Variants in POU6F2 observed in about 807,000 individuals in gnomAD.
POU6F2 encodes the protein POU domain, class 6, transcription factor 2.
POU6F2 carries 31 observed loss-of-function variants against 71.3 expected under a neutral mutation model. The observed-to-expected ratio is 0.43, with a 90% CI of 0.33 to 0.59. POU6F2 has a LOEUF of 0.59. Among genes scored for constraint, POU6F2 ranks in the 20% least tolerant of loss-of-function variants. The pLI, the probability that POU6F2 is intolerant of heterozygous loss-of-function variation, is 0.04. For missense variants in POU6F2, 783 were observed against 856.8 expected (o/e 0.91, Z 1.07); for synonymous variants, 347 against 355.7 (o/e 0.98, Z 0.27).
At chr7:39,018,026 C>T (rs755570048) in intron 1 of POU6F2, among the ~76,000 whole-genome samples, 5 of 152,090 alleles carry the variant, frequency 3.3e-5, no homozygotes, top group Admixed American at 6.6e-5. Context: ...AGCAAACTTA[C>T]GGTGATAGCA....
intron 4 of POU6F2, among the ~76,000 whole-genome samples, chr7:39,230,014 G>A (rs1368583585): frequency 1.3e-5 from 2 of 152,218 alleles, no homozygotes; most frequent in Non-Finnish European, 2.9e-5. Flanking sequence ...AGGCACAGAT[G>A]CGATTAAGAG....
At chr7:39,058,824 T>C (rs745868326) in intron 1 of POU6F2, among the ~76,000 whole-genome samples, 2 of 152,164 alleles carry the variant, frequency 1.3e-5, no homozygotes, top group East Asian at 1.9e-4. Context: ...AAAATCTAAA[T>C]TGTGGGTGAT....
intron 4 of POU6F2, among the ~76,000 whole-genome samples, chr7:39,230,125 G>A (rs1169728077): frequency 6.6e-6 from 1 of 152,184 alleles, no homozygotes; most frequent in Non-Finnish European, 1.5e-5. Flanking sequence ...CAGTAACTGG[G>A]AATCAGGTTT....
chr7:39,196,264 C>A (rs765249146), intron 2 of POU6F2, among the ~76,000 whole-genome samples: 1 of 152,136 alleles, frequency 6.6e-6, no homozygotes, highest in African/African-American at 2.4e-5. Context: ...AGAATTCATA[C>A]CTTGTCTCTC....
At chr7:39,273,165 C>T (rs141856348) in intron 4 of POU6F2, among the ~76,000 whole-genome samples, 21 of 152,024 alleles carry the variant, frequency 1.4e-4, no homozygotes, top group African/African-American at 5.1e-4. Context: ...TATTCCACAC[C>T]CTCCAGGATG....
chr7:39,367,320 G>A (rs1786520849), intron 5 of POU6F2, among the ~76,000 whole-genome samples: 1 of 152,058 alleles, frequency 6.6e-6, no homozygotes, highest in South Asian at 2.1e-4. Context: ...CACCACCCAT[G>A]CTGTGAAAAT....
intron 1 of POU6F2, among the ~76,000 whole-genome samples, chr7:39,035,689 A>G (rs1452613796): frequency 6.6e-6 from 1 of 152,014 alleles, no homozygotes; most frequent in Non-Finnish European, 1.5e-5. Flanking sequence ...CATTAAGTTG[A>G]AACACATTTG....
intron 4 of POU6F2, among the ~76,000 whole-genome samples, chr7:39,310,011 A>G (rs1018381020): frequency 6.6e-6 from 1 of 152,088 alleles, no homozygotes; most frequent in Non-Finnish European, 1.5e-5. Context: ...AGCGGTGGAG[A>G]ATTTAGCTCT....
Position 39,012,386 on chromosome 7 carries a change from A to C in POU6F2, c.105+34328A>C, listed in dbSNP as rs544841371. On this transcript the variant is annotated intron_variant, in intron 1 of 9. Coordinates refer to ENST00000518318, the MANE Select transcript of POU6F2 (RefSeq NM_001370959.1). ...GTTTTCAGCTCCATCAGCTCCTTTA[A>C]GCACTTCTCTGTATTGGTTATTCTA... is the stretch of plus-strand genomic sequence containing the variant. Among the ~76,000 whole-genome samples, 1,252 of 150,762 alleles carry C rather than the reference A, an allele frequency of 8.3e-3. 4 individuals are homozygous for C. Among genetic ancestry groups the C allele is most frequent in the Non-Finnish European group, 0.012 (825 of 67,478 alleles).
intron 1 of POU6F2, among the ~76,000 whole-genome samples, chr7:39,044,084 C>G (rs1790245336): frequency 6.6e-6 from 1 of 151,848 alleles, no homozygotes; most frequent in Admixed American, 6.6e-5. Context: ...GGCGTAGGGA[C>G]TTAAAGAGTG....
chr7:39,193,864 G>A (rs1793721547), intron 2 of POU6F2, among the ~76,000 whole-genome samples: 4 of 152,144 alleles, frequency 2.6e-5, no homozygotes, highest in Non-Finnish European at 4.4e-5. Flanking sequence ...TATTTATTTA[G>A]ACAGTTTATA....
chr7:39,451,406 A>T, intron 7 of POU6F2, 127 bp from the exon 8 acceptor site: 1 of 1,021,126 alleles, frequency 9.8e-7, no homozygotes, highest in Non-Finnish European at 1.4e-6. Flanking sequence ...TAGGGTGCGC[A>T]CTCTTCCTGA....
At chr7:39,114,924 A>T (rs1301185786) in intron 2 of POU6F2, among the ~76,000 whole-genome samples, 1 of 152,202 alleles carries the variant, frequency 6.6e-6, no homozygotes, top group African/African-American at 2.4e-5. Context: ...GTGTGTTTGC[A>T]TTATATAGGC....
At chr7:39,263,302 G>A (rs1784173413) in intron 4 of POU6F2, among the ~76,000 whole-genome samples, 1 of 152,140 alleles carries the variant, frequency 6.6e-6, no homozygotes, top group South Asian at 2.1e-4. Flanking sequence ...TACTGATAAT[G>A]TTTTGGTGTT....
At chr7:39,232,526 A>G (rs1794595974) in intron 4 of POU6F2, among the ~76,000 whole-genome samples, 2 of 152,174 alleles carry the variant, frequency 1.3e-5, no homozygotes. Flanking sequence ...AAAACATCCA[A>G]TTTTTTAAGA....
At chr7:39,399,875 AGAAAG>A (rs755848760) in intron 5 of POU6F2, among the ~76,000 whole-genome samples, 1 of 46,366 alleles carries the variant, frequency 2.2e-5, no homozygotes, top group Non-Finnish European at 4.4e-5. Context: ...AAAAAAAGAA[AGAAAG>A]AAAGAAAAAG....
intron 4 of POU6F2, among the ~76,000 whole-genome samples, chr7:39,325,822 C>T (rs1179222753): frequency 6.6e-6 from 1 of 152,184 alleles, no homozygotes; most frequent in Non-Finnish European, 1.5e-5. Flanking sequence ...AAAAGTCAAA[C>T]ACTGATGCTT....
chr7:39,236,758 A>T (rs1207154824), intron 4 of POU6F2, among the ~76,000 whole-genome samples: 1 of 152,206 alleles, frequency 6.6e-6, no homozygotes, highest in Non-Finnish European at 1.5e-5. Flanking sequence ...CACAAAGGGA[A>T]ACTACCCAAC....
chr7:39,195,733 C>G (rs547627275), intron 2 of POU6F2, among the ~76,000 whole-genome samples: 1 of 151,930 alleles, frequency 6.6e-6, no homozygotes, highest in South Asian at 2.1e-4. Context: ...GCAAAGAGAG[C>G]CTTGGAGATA....
Sources: allele counts gnomAD v4.1 joint callset (sites outside exome capture counted in the v4.1 genomes callset), GRCh38; gene constraint gnomAD v4.1.1; transcripts MANE v1.5; gene names NCBI Gene and HGNC (gene_info 2026-07-23, HGNC 2026-07-21).